Variants in DIAPH2 observed in about 807,000 individuals in gnomAD.
The protein encoded by DIAPH2 is diaphanous related formin 2.
In DIAPH2, 35 loss-of-function variants were observed where a neutral mutation model predicts 92.7. That is an observed-to-expected ratio of 0.38 (90% CI 0.29 to 0.50). DIAPH2 has a LOEUF of 0.50. DIAPH2 is among the 20% of genes least tolerant of loss of function. The pLI is 0.94. For synonymous variants in DIAPH2, 301 were observed against 280.4 expected (o/e 1.07, Z -0.73); for missense variants, 701 against 819.5 (o/e 0.86, Z 1.77).
At chrX:97,119,785 G>A (rs1015095116) in intron 21 of DIAPH2, among the ~76,000 whole-genome samples, 2 of 111,348 alleles carry the variant, frequency 1.8e-5, no homozygotes, top group African/African-American at 6.5e-5. Context: ...GTGGATTATG[G>A]TTGCCTCTGC....
At position 97,082,578 on chromosome X, in the gene DIAPH2, G is replaced by A. The variant is rs185888956; in HGVS notation, c.2247+7317G>A. The stretch of plus-strand genomic sequence containing the variant: ...ACCTGGGAGGTGGAGGTTGCAGTGA[G>A]CCAAAATCACACCACTGCACTCCAG... On this transcript the variant is annotated intron_variant, in intron 19 of 26. Transcript: ENST00000324765. 8.1e-5 allele frequency among the ~76,000 whole-genome samples: 9 copies of A among 111,230 alleles called. No homozygotes were observed. The East Asian group carries it at 2.0e-3, about 24-fold the overall frequency.
In DIAPH2 at chrX:96,992,071, C is replaced by A. The variant is rs777509327; in HGVS notation, c.2050+26864C>A. 6.3e-5 allele frequency among the ~76,000 whole-genome samples: 7 copies of A among 110,646 alleles called. No homozygotes were observed. The South Asian group carries it at 2.8e-3, about 44-fold the overall frequency. ...GTGGTCAAACACATTGAGACCCATA[C>A]CCTGACTAAATTTTCATAATCCCTG... On this transcript the variant is annotated intron_variant, in intron 17 of 26. Coordinates refer to ENST00000324765, the MANE Select transcript of DIAPH2 (RefSeq NM_006729.5).
intron 9 of DIAPH2, among the ~76,000 whole-genome samples, chrX:96,926,120 G>A (rs1252533511): frequency 1.8e-5 from 2 of 111,293 alleles, no homozygotes; most frequent in African/African-American, 6.5e-5. Flanking sequence ...GTCTGAGAAT[G>A]CCCTGGAGTT....
chrX:97,465,701 G>GTTTT (rs2070506107), intron 26 of DIAPH2, among the ~76,000 whole-genome samples: 1 of 111,376 alleles, frequency 9.0e-6, no homozygotes, highest in Non-Finnish European at 1.9e-5. Context: ...TTGTTTGTTT[G>GTTTT]TTTTGAGGTG....
intron 17 of DIAPH2, among the ~76,000 whole-genome samples, chrX:97,007,116 A>G (rs2147860686): frequency 9.0e-6 from 1 of 111,620 alleles, no homozygotes; most frequent in African/African-American, 3.3e-5. Flanking sequence ...TTTTCTCTTT[A>G]TATCTTATTG....
At position 97,489,278 on chromosome X, in the gene DIAPH2, T is replaced by C. The variant is rs1474583434; in HGVS notation, c.3241+59533T>C. On this transcript the variant is annotated intron_variant, in intron 26 of 26. Transcript: ENST00000324765. ...AATGCAATTGATTTTTGTATGTTGA[T>C]TTTGTATCGTGCAACTTTGCTGAAT... Among the ~76,000 whole-genome samples the C allele has an allele frequency of 9.8e-5, 11 of 111,875 alleles. No homozygotes were observed. In the Admixed American group the frequency reaches 1.0e-3, roughly 11 times the overall value.
chrX:96,952,735 CA>C (rs2065784078), intron 15 of DIAPH2, among the ~76,000 whole-genome samples: 1 of 107,583 alleles, frequency 9.3e-6, no homozygotes, highest in Non-Finnish European at 1.9e-5. Context: ...AACTCTGTCT[CA>C]AAAATAAAAT....
chrX:96,802,862 T>A (rs777932361), intron 4 of DIAPH2, among the ~76,000 whole-genome samples: 1 of 111,798 alleles, frequency 8.9e-6, no homozygotes, highest in East Asian at 2.8e-4. Context: ...CTTCAGTCTA[T>A]GGCTGAAGGC....
At chrX:96,984,679 T>C (rs1011035337) in intron 17 of DIAPH2, among the ~76,000 whole-genome samples, 1 of 111,295 alleles carries the variant, frequency 9.0e-6, no homozygotes, top group Non-Finnish European at 1.9e-5. Flanking sequence ...GTGCTAGATT[T>C]GTTTTGGTCT....
chrX:96,953,349 A>G (rs754430700), intron 15 of DIAPH2, among the ~76,000 whole-genome samples: 12 of 111,524 alleles, frequency 1.1e-4, no homozygotes, highest in Admixed American at 1.9e-4. Context: ...TTAGACTTCT[A>G]TAACTTCCAT....
At chrX:96,885,847 T>G (rs6620198) in intron 5 of DIAPH2, among the ~76,000 whole-genome samples, 11,821 of 111,210 alleles carry the variant, frequency 0.11, 578 homozygotes, top group East Asian at 0.32. Context: ...AAGTTTGATG[T>G]GCTGGTGTAT....
At chrX:96,831,137 C>G (rs1250254498) in intron 4 of DIAPH2, among the ~76,000 whole-genome samples, 4 of 111,442 alleles carry the variant, frequency 3.6e-5, no homozygotes, top group Admixed American at 9.6e-5. Flanking sequence ...ATTCTTTCCT[C>G]TTGGGATGCC....
chrX:97,454,435 A>T (rs989470398), intron 26 of DIAPH2, among the ~76,000 whole-genome samples: 2 of 112,141 alleles, frequency 1.8e-5, no homozygotes, highest in Non-Finnish European at 3.8e-5. Flanking sequence ...AAAAAATTGG[A>T]GTGAAATACA....
At chrX:96,693,005 C>G (rs1024208172) in intron 1 of DIAPH2, among the ~76,000 whole-genome samples, 1 of 111,764 alleles carries the variant, frequency 8.9e-6, no homozygotes, top group East Asian at 2.8e-4. Flanking sequence ...TGTGGGCTTA[C>G]AATTGAAAAT....
At chrX:97,325,132 A>G (rs146419834) in intron 23 of DIAPH2, among the ~76,000 whole-genome samples, 160 of 112,232 alleles carry the variant, frequency 1.4e-3, no homozygotes, top group Non-Finnish European at 2.7e-3. Flanking sequence ...TGTATCATTC[A>G]TCTTAGAGTG....
intron 4 of DIAPH2, among the ~76,000 whole-genome samples, chrX:96,869,522 A>C (rs1165037285): frequency 9.4e-6 from 1 of 106,466 alleles, no homozygotes; most frequent in Non-Finnish European, 1.9e-5. Context: ...AGATTCCGCC[A>C]CTGCACTCCA....
At chrX:96,876,188 T>C (rs2065177369) in intron 4 of DIAPH2, among the ~76,000 whole-genome samples, 1 of 111,335 alleles carries the variant, frequency 9.0e-6, no homozygotes, top group African/African-American at 3.3e-5. Flanking sequence ...ATCAGAGAAA[T>C]GCAAATCAAA....
At chrX:97,026,547 T>A (rs1000091130) in intron 17 of DIAPH2, among the ~76,000 whole-genome samples, 1 of 111,905 alleles carries the variant, frequency 8.9e-6, no homozygotes, top group African/African-American at 3.2e-5. Flanking sequence ...ACAATGCCTT[T>A]AAATAGAGGG....
At chrX:97,271,607 T>A (rs1475972693) in intron 23 of DIAPH2, among the ~76,000 whole-genome samples, 2 of 111,154 alleles carry the variant, frequency 1.8e-5, no homozygotes, top group African/African-American at 6.6e-5. Flanking sequence ...GTTACCATCC[T>A]GGGGTGCTCC....
Sources: allele counts gnomAD v4.1 joint callset (sites outside exome capture counted in the v4.1 genomes callset), GRCh38; gene constraint gnomAD v4.1.1; transcripts MANE v1.5; gene names NCBI Gene and HGNC (gene_info 2026-07-23, HGNC 2026-07-21).